MELK: variants seen among roughly 807,000 people sequenced by gnomAD.
The protein encoded by MELK is pEg3 kinase.
Under a neutral mutation model 85.0 loss-of-function variants are expected in MELK, and 81 were observed. The ratio of observed to expected loss-of-function variants is 0.95; its 90% confidence interval spans 0.80 to 1.15. MELK has a LOEUF of 1.15. Ranked by LOEUF, MELK falls within the 50% of genes most tolerant of loss-of-function variation. The pLI is 0.00. For missense variants in MELK, 754 were observed against 777.5 expected (o/e 0.97, Z 0.36); for synonymous variants, 252 against 265.0 (o/e 0.95, Z 0.48).
At position 36,650,053 on chromosome 9, in the gene MELK, C is replaced by T. The variant is rs57697542; in HGVS notation, c.922-1693C>T. ...CTGTCTCCCAGATTCACGTCATTCT[C>T]CTGCCTCAGCTTCCTGAGTAGCTGG... On this transcript the variant is annotated intron_variant, in intron 11 of 17. Transcript: ENST00000298048. Among the ~76,000 whole-genome samples the T allele has an allele frequency of 4.4e-3, 668 of 152,072 alleles. 2 individuals are homozygous for T. The highest frequency in any genetic ancestry group is 0.015 in the African/African-American group (641 of 41,522).
In MELK at chr9:36,630,323, T is replaced by A; in HGVS notation, c.691T>A (p.Trp231Arg). ...IMRGKYDVPK[W>R]LSPSSILLLQ... is the part of the protein sequence containing the mutation. ...GAGAGGAAAATATGATGTTCCCAAG[T>A]GGCTCTCTCCCAGTAGCATTCTGCT... Residue 231 changes from tryptophan (W) to arginine (R), a missense_variant, in exon 9 of 18, where the codon TGG (tryptophan) becomes AGG (arginine). Trp to Arg is a moderately radical substitution (Grantham distance 101). Transcript: ENST00000298048. 3 of 1,612,616 alleles carry A rather than the reference T, an allele frequency of 1.9e-6. No individual in the cohort carries two copies. The highest frequency in any genetic ancestry group is 1.7e-6 in the Non-Finnish European group (2 of 1,179,088).
At chr9:36,580,671 G>C (rs1245339149) in intron 1 of MELK, among the ~76,000 whole-genome samples, 1 of 151,010 alleles carries the variant, frequency 6.6e-6, no homozygotes, top group Non-Finnish European at 1.5e-5. Flanking sequence ...CCGAGCCAGA[G>C]TAGGCTCAGA....
At position 36,616,387 on chromosome 9, in the gene MELK, CTTTTT is replaced by C. The variant is rs60212848; in HGVS notation, c.666+8730_666+8734del. On this transcript the variant is annotated intron_variant, in intron 8 of 17. Transcript: ENST00000298048. The stretch of plus-strand genomic sequence containing the variant: ...TTAAAGGTATCTAGCATGTCAAACT[CTTTTT>C]TTTTTTTTTTTTTTTAAGGCAGAGC... 3.4e-3 allele frequency among the ~76,000 whole-genome samples: 390 copies of C among 114,638 alleles called. 15 individuals carry two copies. Among genetic ancestry groups the C allele is most frequent in the Admixed American group, 0.033 (367 of 11,236 alleles). 75.2% of individuals were successfully genotyped at this position (114,638 alleles called of 152,430 possible).
intron 13 of MELK, among the ~76,000 whole-genome samples, chr9:36,662,815 C>A (rs977430989): frequency 6.6e-6 from 1 of 152,080 alleles, no homozygotes; most frequent in Admixed American, 6.5e-5. Context: ...CCTTTTAGGA[C>A]CTTCTCTTTG....
intron 8 of MELK, among the ~76,000 whole-genome samples, chr9:36,619,189 C>T (rs1258629927): frequency 1.3e-5 from 2 of 152,146 alleles, no homozygotes; most frequent in East Asian, 3.9e-4. Context: ...GAACTCCTGA[C>T]CTCAAATGAT....
At chr9:36,666,301 G>C (rs7022049) in intron 14 of MELK, among the ~76,000 whole-genome samples, 3 of 152,100 alleles carry the variant, frequency 2.0e-5, no homozygotes, top group Non-Finnish European at 4.4e-5. Flanking sequence ...TTCTAGACTA[G>C]GTCTCACTAG....
At chr9:36,649,262 A>AGGTG in intron 11 of MELK, among the ~76,000 whole-genome samples, 1 of 151,818 alleles carries the variant, frequency 6.6e-6, no homozygotes, top group Non-Finnish European at 1.5e-5. Flanking sequence ...CAGCGCGGGC[A>AGGTG]GATCATGAGG....
chr9:36,611,875 C>T (rs1826096249), intron 8 of MELK, among the ~76,000 whole-genome samples: 1 of 151,738 alleles, frequency 6.6e-6, no homozygotes, highest in Non-Finnish European at 1.5e-5. Context: ...CAGGTTCAAG[C>T]AATTCTTCTG....
intron 10 of MELK, among the ~76,000 whole-genome samples, chr9:36,638,681 T>C (rs72733431): frequency 0.013 from 2,044 of 152,254 alleles, 26 homozygotes; most frequent in Non-Finnish European, 0.019. Flanking sequence ...TATTATACTG[T>C]GGTAAAATAT....
At chr9:36,615,093 G>A (rs562053995) in intron 8 of MELK, among the ~76,000 whole-genome samples, 5 of 129,424 alleles carry the variant, frequency 3.9e-5, no homozygotes, top group East Asian at 2.3e-4. Flanking sequence ...CCTCCCTCCC[G>A]GACGGGGCGG....
At chr9:36,587,854 A>G (rs950452785) in intron 3 of MELK, among the ~76,000 whole-genome samples, 1 of 150,474 alleles carries the variant, frequency 6.6e-6, no homozygotes, top group African/African-American at 2.4e-5. Context: ...GGCCACTCCC[A>G]GGTTCAAGTG....
chr9:36,589,021 T>C (rs879784882), intron 3 of MELK, among the ~76,000 whole-genome samples: 21 of 152,318 alleles, frequency 1.4e-4, no homozygotes, highest in Admixed American at 1.3e-3. Flanking sequence ...TGTTGTACTG[T>C]TGACCCACAT....
intron 5 of MELK, among the ~76,000 whole-genome samples, chr9:36,596,574 TTTTTTTGTTTTTTTTG>T (rs1824287836): frequency 9.9e-6 from 1 of 100,760 alleles, no homozygotes; most frequent in Non-Finnish European, 1.8e-5. Flanking sequence ...TTTTTTTTGT[TTTTTTTGTTTTTTTTG>T]TTTTTTTTTT....
intron 8 of MELK, among the ~76,000 whole-genome samples, chr9:36,627,038 A>T (rs1827997765): frequency 7.1e-6 from 1 of 141,764 alleles, no homozygotes; most frequent in African/African-American, 2.8e-5. Context: ...GAAGACAAGG[A>T]CAAGCACAAG....
intron 7 of MELK, 101 bp downstream of exon 7, chr9:36,599,587 A>G: frequency 1.4e-6 from 1 of 712,476 alleles, no homozygotes; most frequent in East Asian, 2.7e-5. Context: ...ATGATGAAGT[A>G]AGAAATAATC....
intron 17 of MELK, among the ~76,000 whole-genome samples, chr9:36,675,166 A>C (rs1010309621): frequency 1.3e-5 from 2 of 152,184 alleles, no homozygotes; most frequent in African/African-American, 4.8e-5. Flanking sequence ...ACATGCCTGT[A>C]GTTCCAGCTA....
intron 1 of MELK, among the ~76,000 whole-genome samples, chr9:36,580,166 C>CT (rs1339573445): frequency 1.3e-5 from 2 of 150,450 alleles, no homozygotes; most frequent in African/African-American, 4.9e-5. Flanking sequence ...GTAGGTGGAA[C>CT]TACAGGCGCG....
At chr9:36,675,025 C>T (rs148702781) in intron 17 of MELK, 88 bp downstream of exon 17, 1 of 875,850 alleles carries the variant, frequency 1.1e-6, no homozygotes, top group East Asian at 2.6e-5. Context: ...GTGGCTCACG[C>T]CTGTAATCCC....
chr9:36,585,423 C>T (rs1399793444), intron 3 of MELK, among the ~76,000 whole-genome samples: 1 of 150,598 alleles, frequency 6.6e-6, no homozygotes, highest in Non-Finnish European at 1.5e-5. Flanking sequence ...TCTCCTGCCT[C>T]AGCCACCTGA....
Sources: allele counts gnomAD v4.1 joint callset (sites outside exome capture counted in the v4.1 genomes callset), GRCh38; gene constraint gnomAD v4.1.1; transcripts MANE v1.5; gene names NCBI Gene and HGNC (gene_info 2026-07-23, HGNC 2026-07-21).